The following PPP2R2B variants were observed in gnomAD, a reference collection of about 807,000 sequenced individuals.
PPP2R2B encodes protein phosphatase 2 regulatory subunit Bbeta.
A neutral mutation model predicts 46.0 loss-of-function variants in PPP2R2B; 5 were observed. The observed-to-expected ratio is 0.11, with a 90% CI of 0.06 to 0.23. The LOEUF is 0.23. Among genes scored for constraint, PPP2R2B ranks in the 10% least tolerant of loss-of-function variants. The pLI is 1.00. For missense variants in PPP2R2B, 367 were observed against 575.0 expected, an observed-to-expected ratio of 0.64 and a Z score of 3.70; for synonymous variants, 215 against 206.7, an observed-to-expected ratio of 1.04 and a Z score of -0.34.
At chr5:146,657,288 T>C (rs461244) in intron 5 of PPP2R2B, among the ~76,000 whole-genome samples, 143,391 of 152,220 alleles carry the variant, frequency 0.94, 67,887 homozygotes, top group East Asian at 1. Context: ...CAACCTCCAG[T>C]AGCTCAGTAA....
intron 2 of PPP2R2B, among the ~76,000 whole-genome samples, chr5:146,826,874 A>G (rs1758613559): frequency 6.6e-6 from 1 of 152,094 alleles, no homozygotes; most frequent in Non-Finnish European, 1.5e-5. Context: ...CAAATCATCT[A>G]TTGCCCTGGA....
chr5:147,068,755 T>A (rs1757486752), intron 2 of PPP2R2B, among the ~76,000 whole-genome samples: 1 of 152,198 alleles, frequency 6.6e-6, no homozygotes, highest in African/African-American at 2.4e-5. Context: ...TTGCCATCAG[T>A]TTTCCTTGGA....
At chr5:147,028,920 T>C (rs2151890081) in intron 1 of PPP2R2B, among the ~76,000 whole-genome samples, 1 of 152,344 alleles carries the variant, frequency 6.6e-6, no homozygotes, top group South Asian at 2.1e-4. Flanking sequence ...CATTTCCTGA[T>C]AATAGAATTG....
At position 146,878,134 on chromosome 5, in the gene PPP2R2B, C is replaced by T; in HGVS notation, c.-63G>A. The T allele has an allele frequency of 6.2e-7, 1 of 1,611,604 alleles. No homozygotes were observed. Among genetic ancestry groups the T allele is most frequent in the Non-Finnish European group, 8.5e-7 (1 of 1,178,832 alleles). ...CAGACAAGTATCCATGATCCCTCCC[C>T]GCAGCCAGTCTCACAGGAGAGGGGG... On this transcript the variant is annotated 5_prime_UTR_variant, in exon 2 of 10. Transcript: ENST00000394411. The surrounding 1 kb of genome is among the most constrained non-coding windows in gnomAD (Gnocchi z 4.5).
intron 2 of PPP2R2B, among the ~76,000 whole-genome samples, chr5:146,822,616 T>A (rs1414211619): frequency 6.6e-6 from 1 of 151,330 alleles, no homozygotes; most frequent in Non-Finnish European, 1.5e-5. Context: ...ACCCACTCTC[T>A]ATATCCTTAA....
intron 7 of PPP2R2B, among the ~76,000 whole-genome samples, chr5:146,623,322 CTCTT>C (rs1420813929): frequency 2.6e-5 from 4 of 152,222 alleles, no homozygotes; most frequent in East Asian, 1.9e-4. Flanking sequence ...TCAGCATTTT[CTCTT>C]TCTGATTATG....
intron 1 of PPP2R2B, among the ~76,000 whole-genome samples, chr5:146,937,293 T>C (rs1291391120): frequency 2.7e-5 from 4 of 149,000 alleles, no homozygotes; most frequent in African/African-American, 7.4e-5. Flanking sequence ...AGAGTGAGAC[T>C]CCGTCTCAGA....
At chr5:146,971,805 CT>C (rs371550575) in intron 1 of PPP2R2B, among the ~76,000 whole-genome samples, 66 of 152,192 alleles carry the variant, frequency 4.3e-4, no homozygotes, top group African/African-American at 1.3e-3. Context: ...CTTTAACATA[CT>C]TTTTTTATTT....
In PPP2R2B at chr5:147,025,668, A is replaced by G. The variant is rs1312355004; in HGVS notation, c.79+29997T>C. 2.0e-5 allele frequency among the ~76,000 whole-genome samples: 3 copies of G among 152,194 alleles called. No homozygotes were observed. The East Asian group carries it at 5.8e-4, about 29-fold the overall frequency. ...CCATGAGAAAATATTTGTAAATCACATACCTGATAAAAGGACTTGGATCTA... is the reference window on the plus strand; with the variant it reads ...CCATGAGAAAATATTTGTAAATCACGTACCTGATAAAAGGACTTGGATCTA... On this transcript the variant is annotated intron_variant, in intron 1 of 8. Coordinates refer to the PPP2R2B transcript ENST00000336640.
At chr5:146,961,284 A>G (rs912767235) in intron 1 of PPP2R2B, among the ~76,000 whole-genome samples, 2 of 152,194 alleles carry the variant, frequency 1.3e-5, no homozygotes, top group African/African-American at 4.8e-5. Flanking sequence ...ATGTAGGTAA[A>G]TCTTATGTTT....
rs776290138 is a variant in PPP2R2B at position 146,747,474 on chromosome 5, T to G, written c.71-46332A>C. On this transcript the variant is annotated intron_variant, in intron 2 of 9. Coordinates refer to ENST00000394411, the MANE Select transcript of PPP2R2B (RefSeq NM_181675.4). ...AATTTTGAGTGAACAATAGTGATAT[T>G]AAACCTCTGTCAGATAATGTGAGAA... 2.3e-4 allele frequency among the ~76,000 whole-genome samples: 35 copies of G among 152,226 alleles called. 1 individual carries two copies. The highest frequency in any genetic ancestry group is 3.1e-4 in the Non-Finnish European group (21 of 68,038).
intron 1 of PPP2R2B, among the ~76,000 whole-genome samples, chr5:147,015,010 C>G (rs2400238): frequency 0.021 from 3,166 of 152,162 alleles, 134 homozygotes; most frequent in African/African-American, 0.071. Flanking sequence ...CCAAACACTT[C>G]TTGTTCCAAG....
At chr5:146,854,004 T>A (rs1760499898) in intron 2 of PPP2R2B, among the ~76,000 whole-genome samples, 1 of 152,028 alleles carries the variant, frequency 6.6e-6, no homozygotes, top group Non-Finnish European at 1.5e-5. Context: ...CCTGTATGTG[T>A]CCCCTACTAA....
intron 2 of PPP2R2B, among the ~76,000 whole-genome samples, chr5:146,747,629 A>AT (rs1169259426): frequency 6.6e-6 from 1 of 152,350 alleles, no homozygotes; most frequent in East Asian, 1.9e-4. Context: ...ATCAAAATCA[A>AT]TGTGGAGCAG....
intron 2 of PPP2R2B, among the ~76,000 whole-genome samples, chr5:146,763,607 C>A (rs565537804): frequency 6.6e-6 from 1 of 152,120 alleles, no homozygotes; most frequent in Non-Finnish European, 1.5e-5. Flanking sequence ...AATTTATTAG[C>A]CACAGAAATA....
At chr5:146,927,783 G>A (rs1445790509) in intron 1 of PPP2R2B, among the ~76,000 whole-genome samples, 1 of 151,600 alleles carries the variant, frequency 6.6e-6, no homozygotes, top group Non-Finnish European at 1.5e-5. Context: ...ACCCAGGCTG[G>A]AGTGCAGTGG....
intron 1 of PPP2R2B, among the ~76,000 whole-genome samples, chr5:146,995,470 G>C (rs965260936): frequency 1.3e-5 from 2 of 152,300 alleles, no homozygotes; most frequent in East Asian, 3.9e-4. Context: ...ATTCTCTATG[G>C]CTGAACGTGC....
chr5:146,912,587 C>T (rs1417479600), intron 1 of PPP2R2B, among the ~76,000 whole-genome samples: 3 of 151,508 alleles, frequency 2.0e-5, no homozygotes, highest in Admixed American at 6.6e-5. Flanking sequence ...GATCTCGGCT[C>T]ACCACAACCT....
intron 2 of PPP2R2B, among the ~76,000 whole-genome samples, chr5:146,762,185 G>C (rs36115021): frequency 0.075 from 11,441 of 152,262 alleles, 576 homozygotes; most frequent in East Asian, 0.15. Context: ...AAAAGTTACT[G>C]ATATTGGCTA....
Sources: gnomAD v4.1 joint callset for allele counts (sites outside exome capture counted in the v4.1 genomes callset) on GRCh38, gnomAD v4.1.1 for gene constraint, Gnocchi (gnomAD v3.1) non-coding constraint, MANE v1.5 for transcripts, NCBI Gene and HGNC (gene_info 2026-07-23, HGNC 2026-07-21) for gene names.